Variants in SLC22A23 observed in about 807,000 individuals in gnomAD.
SLC22A23 encodes the protein solute carrier family 22 member 23, also known as ion transporter protein.
Under a neutral mutation model 61.0 loss-of-function variants are expected in SLC22A23, and 26 were observed. The ratio of observed to expected loss-of-function variants is 0.43; its 90% CI spans 0.31 to 0.59. The LOEUF (loss-of-function observed/expected upper bound fraction) is 0.59. Among genes scored for constraint, SLC22A23 ranks in the 20% least tolerant of loss-of-function variants. SLC22A23 has a pLI of 0.11. For missense variants in SLC22A23, 796 were observed against 934.7 expected, an observed-to-expected ratio of 0.85 and a Z score of 1.94; for synonymous variants, 430 against 413.9, an observed-to-expected ratio of 1.04 and a Z score of -0.47.
At chr6:3,341,604 C>T (rs545976232) in intron 3 of SLC22A23, among the ~76,000 whole-genome samples, 1 of 152,294 alleles carries the variant, frequency 6.6e-6, no homozygotes, top group East Asian at 1.9e-4. Context: ...AATGTAAATG[C>T]TGTGATTACC....
At position 3,322,052 on chromosome 6, in the gene SLC22A23, C is replaced by G. The variant is rs1026049272; in HGVS notation, c.1082+1782G>C. ...CTTGGCGCTTTGGAGTACTGTATCT[C>G]TAAAGAGCAAACAAGGAATAGGGGC... On this transcript the variant is annotated intron_variant, in intron 4 of 9. Coordinates refer to ENST00000406686, the MANE Select transcript of SLC22A23 (RefSeq NM_015482.2). This position sits in a 1 kb window ranked among gnomAD's most constrained non-coding sequence, Gnocchi z 4.1. Among the ~76,000 whole-genome samples, 4 of 152,146 alleles carry G rather than the reference C, an allele frequency of 2.6e-5. No homozygotes were observed. The highest frequency in any genetic ancestry group is 6.5e-5 in the Admixed American group (1 of 15,284).
chr6:3,326,475 C>T (rs1763288818), intron 3 of SLC22A23, among the ~76,000 whole-genome samples: 1 of 152,110 alleles, frequency 6.6e-6, no homozygotes, highest in African/African-American at 2.4e-5. Context: ...AGCACTGGCT[C>T]ACCGCATTTC....
At position 3,382,776 on chromosome 6, in the gene SLC22A23, G is replaced by T. The variant is rs1767036216; in HGVS notation, c.913+27412C>A. Among the ~76,000 whole-genome samples, 3 of 152,194 alleles carry T rather than the reference G, an allele frequency of 2.0e-5. No individual in the cohort carries two copies. In the South Asian group the frequency reaches 6.2e-4, roughly 32 times the overall value. On this transcript the variant is annotated intron_variant, in intron 3 of 9. Coordinates refer to ENST00000406686, the MANE Select transcript of SLC22A23 (RefSeq NM_015482.2). The stretch of plus-strand genomic sequence containing the variant: ...CAAAGCCTAAAATATTTGCCATCTG[G>T]GACATTACAGAAAAAGTTTGTTGAG...
At chr6:3,430,834 A>G (rs1379599455) in intron 1 of SLC22A23, among the ~76,000 whole-genome samples, 1 of 152,180 alleles carries the variant, frequency 6.6e-6, no homozygotes, top group African/African-American at 2.4e-5. Context: ...TGGGAGACTG[A>G]GGTGGGTGGA....
rs777308990 is a variant in SLC22A23, at chr6:3,273,111, C to G, written c.2005G>C (p.Ala669Pro). 15 of 1,601,176 alleles carry G rather than the reference C, an allele frequency of 9.4e-6. No individual in the cohort carries two copies. In the East Asian group the frequency reaches 3.1e-4, roughly 33 times the overall value. Residue 669 changes from alanine to proline, a missense_variant, in exon 10 of 10, where the codon GCC (alanine) becomes CCC (proline). Coordinates refer to ENST00000406686, the MANE Select transcript of SLC22A23 (RefSeq NM_015482.2). Reference protein sequence around the residue: ...KDYSGLHDAAAAGDTLPEGAT... With the variant: ...KDYSGLHDAAPAGDTLPEGAT... ...CCCTCGGGCAGTGTGTCACCCGCGG[C>G]TGCGGCATCGTGGAGGCCCGAGTAG...
intron 3 of SLC22A23, among the ~76,000 whole-genome samples, chr6:3,358,655 A>G (rs1765258526): frequency 6.6e-6 from 1 of 152,076 alleles, no homozygotes; most frequent in Non-Finnish European, 1.5e-5. Context: ...TGCTGCACAC[A>G]TTGTGTCTAT....
Position 3,276,391 on chromosome 6 carries a change from T to A in SLC22A23, c.1704-2979A>T, listed in dbSNP as rs534050801. Among the ~76,000 whole-genome samples the A allele has an allele frequency of 3.2e-4, 49 of 152,078 alleles. 1 individual carries two copies. Among genetic ancestry groups the A allele is most frequent in the African/African-American group, 1.1e-3 (47 of 41,554 alleles). On this transcript the variant is annotated intron_variant, in intron 9 of 9. Coordinates refer to ENST00000406686, the MANE Select transcript of SLC22A23 (RefSeq NM_015482.2). ...GGGCCTCCACTCCAGGCCGCCTGGG[T>A]CTGCGCTCCTCCCTGGCGCATCTTC...
intron 1 of SLC22A23, among the ~76,000 whole-genome samples, chr6:3,452,784 T>C (rs1324602554): frequency 6.6e-6 from 1 of 152,134 alleles, no homozygotes; most frequent in Non-Finnish European, 1.5e-5. Flanking sequence ...GCGATGCAAA[T>C]TCTGGTACCA....
intron 9 of SLC22A23, 87 bp downstream of exon 9, chr6:3,283,765 T>C (rs1006817206): frequency 6.3e-7 from 1 of 1,588,048 alleles, no homozygotes; most frequent in African/African-American, 1.3e-5. Flanking sequence ...GAGCTGACGC[T>C]GGTTAATCCC....
At position 3,322,778 on chromosome 6, in the gene SLC22A23, G is replaced by T. The variant is rs922646091; in HGVS notation, c.1082+1056C>A. Among the ~76,000 whole-genome samples the T allele has an allele frequency of 2.0e-5, 3 of 152,136 alleles. No homozygotes were observed. The highest frequency in any genetic ancestry group is 7.2e-5 in the African/African-American group (3 of 41,424). ...TTCCCTCCCGGGCACCTGAGCAAAG[G>T]AAGCTCAGCTCCAGTGAACCCTTAA... is the stretch of plus-strand genomic sequence containing the variant. On this transcript the variant is annotated intron_variant, in intron 4 of 9. Coordinates refer to ENST00000406686, the MANE Select transcript of SLC22A23 (RefSeq NM_015482.2). This position sits in a 1 kb window ranked among gnomAD's most constrained non-coding sequence, Gnocchi z 4.1.
At chr6:3,377,586 C>T (rs1218152482) in intron 3 of SLC22A23, among the ~76,000 whole-genome samples, 1 of 152,224 alleles carries the variant, frequency 6.6e-6, no homozygotes, top group Non-Finnish European at 1.5e-5. Context: ...GCCTTCCCCT[C>T]CCATGCAGCT....
intron 1 of SLC22A23, among the ~76,000 whole-genome samples, 153 bp from the exon 2 acceptor site, chr6:3,416,008 T>C (rs1769674025): frequency 2.0e-5 from 3 of 152,244 alleles, no homozygotes. Flanking sequence ...TCCATGGTTT[T>C]GAAAATCCAA....
intron 1 of SLC22A23, among the ~76,000 whole-genome samples, chr6:3,432,814 T>C (rs1475122727): frequency 3.3e-5 from 5 of 152,248 alleles, no homozygotes; most frequent in African/African-American, 1.2e-4. Flanking sequence ...TTAAGGTTTT[T>C]AGCAAGGAGC....
At chr6:3,358,325 A>G (rs1765236762) in intron 3 of SLC22A23, among the ~76,000 whole-genome samples, 1 of 152,224 alleles carries the variant, frequency 6.6e-6, no homozygotes, top group Non-Finnish European at 1.5e-5. Flanking sequence ...GAAACAACGC[A>G]GAGGTCCACT....
intron 3 of SLC22A23, among the ~76,000 whole-genome samples, chr6:3,350,563 G>A (rs1274130697): frequency 6.6e-6 from 1 of 152,196 alleles, no homozygotes. Flanking sequence ...GAGACCGTAT[G>A]GCCTGCACAG....
In SLC22A23 at chr6:3,410,276, T is replaced by C. The variant is rs190984491; in HGVS notation, c.825A>G (p.Ala275=). ...TGAACATTGTCACATTCACTGACAG[T>C]GCCACAGTCAGTCCAAAGATCAGAA... The part of the protein sequence containing the change: ...IFILIFGLTV[A]LSVNVTMFST... The change falls in exon 3 of 10, where the codon GCA becomes GCG. Residue 275 remains alanine (A), a synonymous_variant. Coordinates refer to ENST00000406686, the MANE Select transcript of SLC22A23 (RefSeq NM_015482.2). This position sits in a 1 kb window ranked among gnomAD's most constrained non-coding sequence, Gnocchi z 5.0. 1.5e-5 allele frequency: 25 copies of C among 1,613,936 alleles called. No individual in the cohort carries two copies. In the African/African-American group the frequency reaches 3.1e-4, roughly 20 times the overall value.
intron 6 of SLC22A23, 98 bp from the exon 7 acceptor site, chr6:3,287,189 A>T: frequency 2.7e-6 from 3 of 1,092,050 alleles, no homozygotes; most frequent in Non-Finnish European, 2.7e-6. Context: ...CAGGAGATGA[A>T]GAAGCAACTC....
At position 3,317,257 on chromosome 6, in the gene SLC22A23, G is replaced by A. The variant is rs1762695890; in HGVS notation, c.1082+6577C>T. 6.6e-6 allele frequency among the ~76,000 whole-genome samples: 1 copy of A among 152,174 alleles called. No homozygotes were observed. Among genetic ancestry groups the A allele is most frequent in the Non-Finnish European group, 1.5e-5 (1 of 68,038 alleles). ...CCTGGACCTCCAAACACAAGACCAGGCTGTGTCTTGCACAAGGGCTCCCAG... is the reference window on the plus strand; with the variant it reads ...CCTGGACCTCCAAACACAAGACCAGACTGTGTCTTGCACAAGGGCTCCCAG... On this transcript the variant is annotated intron_variant, in intron 4 of 9. Coordinates refer to ENST00000406686, the MANE Select transcript of SLC22A23 (RefSeq NM_015482.2). The surrounding 1 kb of genome is among the most constrained non-coding windows in gnomAD (Gnocchi z 4.4).
At position 3,269,960 on chromosome 6, in the gene SLC22A23, C is replaced by A. The variant is rs1241275607; in HGVS notation, c.*3095G>T. On this transcript the variant is annotated 3_prime_UTR_variant, in exon 10 of 10. Coordinates refer to ENST00000406686, the MANE Select transcript of SLC22A23 (RefSeq NM_015482.2). Reference sequence around the variant, plus strand: ...CCAAACCAATTTACCAGCCCGTCTTCCAGATGCAGGTGATCTTACTCTCAG... The same window carrying A: ...CCAAACCAATTTACCAGCCCGTCTTACAGATGCAGGTGATCTTACTCTCAG... The A allele has an allele frequency of 6.5e-6, 1 of 152,784 alleles. No individual in the cohort carries two copies. Among genetic ancestry groups the A allele is most frequent in the Non-Finnish European group, 1.5e-5 (1 of 68,038 alleles). 9.5% of individuals were successfully genotyped at this position (152,784 alleles called of 1,614,324 possible).
Sources: gnomAD v4.1 joint callset for allele counts (sites outside exome capture counted in the v4.1 genomes callset) on GRCh38, gnomAD v4.1.1 for gene constraint, Gnocchi (gnomAD v3.1) non-coding constraint, MANE v1.5 for transcripts, NCBI Gene and HGNC (gene_info 2026-07-23, HGNC 2026-07-21) for gene names.